Variants in GALNTL6 observed in about 807,000 individuals in gnomAD.
GALNTL6 encodes the protein polypeptide N-acetylgalactosaminyltransferase-like 6.
In GALNTL6, 46 loss-of-function variants were observed where a neutral mutation model predicts 73.7. The observed-to-expected ratio is 0.62, with a 90% CI of 0.49 to 0.80. The LOEUF (loss-of-function observed/expected upper bound fraction) is 0.80. Ranked by LOEUF, GALNTL6 falls within the 30% of genes least tolerant of loss-of-function variation. The pLI, the probability that GALNTL6 is intolerant of heterozygous loss-of-function variation, is 0.00. For missense variants in GALNTL6, 604 were observed against 755.0 expected (o/e 0.80, Z 2.34); for synonymous variants, 259 against 263.7 (o/e 0.98, Z 0.17).
At chr4:172,740,437 T>G (rs1310636192) in intron 5 of GALNTL6, among the ~76,000 whole-genome samples, 1 of 152,176 alleles carries the variant, frequency 6.6e-6, no homozygotes, top group Non-Finnish European at 1.5e-5. Context: ...CATTATTCAC[T>G]GACTCTGGAA....
intron 2 of GALNTL6, among the ~76,000 whole-genome samples, chr4:172,101,678 T>A (rs969652776): frequency 1.3e-5 from 2 of 152,180 alleles, no homozygotes; most frequent in African/African-American, 4.8e-5. Context: ...TAATTTAATA[T>A]ACTCTTTGAA....
chr4:172,213,500 A>G (rs1308948797), intron 2 of GALNTL6, among the ~76,000 whole-genome samples: 1 of 152,096 alleles, frequency 6.6e-6, no homozygotes, highest in African/African-American at 2.4e-5. Context: ...GAAACTTGCA[A>G]TTTTCTAATG....
In GALNTL6 at chr4:172,304,968, G is replaced by A. The variant is rs192569164; in HGVS notation, c.248-6646G>A. On this transcript the variant is annotated intron_variant, in intron 3 of 12. Transcript: ENST00000506823. ...TTCCACAATTTTGAAACTCTTCTAGGTCTTATTGTTTAGTTCATTCAATTC... is the reference window on the plus strand; with the variant it reads ...TTCCACAATTTTGAAACTCTTCTAGATCTTATTGTTTAGTTCATTCAATTC... Among the ~76,000 whole-genome samples the A allele has an allele frequency of 3.7e-3, 561 of 152,152 alleles. 1 individual carries two copies. The highest frequency in any genetic ancestry group is 0.012 in the African/African-American group (517 of 41,514).
At chr4:171,889,345 A>G (rs1374721953) in intron 2 of GALNTL6, among the ~76,000 whole-genome samples, 1 of 152,106 alleles carries the variant, frequency 6.6e-6, no homozygotes, top group Non-Finnish European at 1.5e-5. Flanking sequence ...TCAGTCTTTC[A>G]TTGACCTGGT....
intron 5 of GALNTL6, among the ~76,000 whole-genome samples, chr4:172,428,452 A>G (rs1731307461): frequency 6.6e-6 from 1 of 152,206 alleles, no homozygotes; most frequent in Admixed American, 6.5e-5. Flanking sequence ...ATTATGACAC[A>G]TAGTATGATT....
chr4:172,414,700 T>G (rs1243750427), intron 5 of GALNTL6, among the ~76,000 whole-genome samples: 1 of 152,194 alleles, frequency 6.6e-6, no homozygotes, highest in Non-Finnish European at 1.5e-5. Flanking sequence ...TGAATCTTTG[T>G]GTCTTTGTTA....
At chr4:172,687,583 G>A (rs554258701) in intron 5 of GALNTL6, among the ~76,000 whole-genome samples, 3 of 147,206 alleles carry the variant, frequency 2.0e-5, no homozygotes, top group East Asian at 2.0e-4. Flanking sequence ...AGCCAAGATC[G>A]CGCCACTGCA....
At chr4:173,009,426 T>G in intron 11 of GALNTL6, 132 bp downstream of exon 11, 1 of 634,252 alleles carries the variant, frequency 1.6e-6, no homozygotes, top group Non-Finnish European at 2.8e-6. Flanking sequence ...GGCCGCTGTA[T>G]CACCAACCAG....
chr4:171,900,241 C>A (rs1737045112), intron 2 of GALNTL6, among the ~76,000 whole-genome samples: 1 of 152,048 alleles, frequency 6.6e-6, no homozygotes. Context: ...TTCATGAATA[C>A]ACAATTCACG....
intron 2 of GALNTL6, among the ~76,000 whole-genome samples, chr4:172,215,993 TG>T (rs1560973624): frequency 6.6e-6 from 1 of 152,192 alleles, no homozygotes; most frequent in Admixed American, 6.5e-5. Flanking sequence ...GGAACATTGC[TG>T]CCATTCATTT....
At chr4:172,432,505 T>G (rs1385671887) in intron 5 of GALNTL6, among the ~76,000 whole-genome samples, 1 of 152,036 alleles carries the variant, frequency 6.6e-6, no homozygotes, top group Admixed American at 6.6e-5. Context: ...AGAACTTTTC[T>G]GAGAAATTTA....
intron 3 of GALNTL6, among the ~76,000 whole-genome samples, chr4:172,295,531 G>GTTTTTTTTTTTTTT (rs58721038): frequency 8.2e-5 from 6 of 73,136 alleles, no homozygotes; most frequent in East Asian, 4.1e-4. Flanking sequence ...CTTTTTTTAG[G>GTTTTTTTTTTTTTT]TTTTTTTTTT....
rs576840752 is a variant in GALNTL6, at chr4:172,811,137, A to G, written c.739+1591A>G. Among the ~76,000 whole-genome samples, 6 of 152,314 alleles carry G rather than the reference A, an allele frequency of 3.9e-5. No homozygotes were observed. The East Asian group carries it at 1.2e-3, about 29-fold the overall frequency. On this transcript the variant is annotated intron_variant, in intron 6 of 12. Transcript: ENST00000506823. ...GTCTTGACACATCATCCAAAGTGAAAAAACAGGCAGAGCCACACAGTTTCT... is the reference window on the plus strand; with the variant it reads ...GTCTTGACACATCATCCAAAGTGAAGAAACAGGCAGAGCCACACAGTTTCT...
intron 2 of GALNTL6, among the ~76,000 whole-genome samples, chr4:172,166,675 T>C (rs111843023): frequency 3.0e-4 from 45 of 152,350 alleles, no homozygotes; most frequent in African/African-American, 1.1e-3. Context: ...AAAGCAAGTA[T>C]TGATGTTGAT....
At chr4:172,601,900 A>G (rs1478664465) in intron 5 of GALNTL6, among the ~76,000 whole-genome samples, 1 of 152,122 alleles carries the variant, frequency 6.6e-6, no homozygotes, top group Non-Finnish European at 1.5e-5. Context: ...TACAAATATG[A>G]TAAGCACAAA....
At chr4:172,593,224 A>T (rs2111004917) in intron 5 of GALNTL6, among the ~76,000 whole-genome samples, 1 of 152,274 alleles carries the variant, frequency 6.6e-6, no homozygotes, top group East Asian at 1.9e-4. Flanking sequence ...CTTACAATAG[A>T]ACTTTATGCT....
At chr4:172,481,245 C>A (rs757214522) in intron 5 of GALNTL6, among the ~76,000 whole-genome samples, 1 of 150,296 alleles carries the variant, frequency 6.7e-6, no homozygotes, top group African/African-American at 2.4e-5. Context: ...CCTCCCGACC[C>A]GAGTTGTTCA....
At chr4:172,240,962 G>A (rs147026098) in intron 3 of GALNTL6, among the ~76,000 whole-genome samples, 66 of 152,306 alleles carry the variant, frequency 4.3e-4, no homozygotes, top group African/African-American at 1.6e-3. Flanking sequence ...TTTTTCACCT[G>A]TGTGGGCTGA....
intron 5 of GALNTL6, among the ~76,000 whole-genome samples, chr4:172,547,508 G>T (rs1239571584): frequency 6.6e-6 from 1 of 151,950 alleles, no homozygotes; most frequent in Non-Finnish European, 1.5e-5. Context: ...TTATGAAGTC[G>T]ACCCAAAGCA....
Sources: gnomAD v4.1 joint callset for allele counts (sites outside exome capture counted in the v4.1 genomes callset) on GRCh38, gnomAD v4.1.1 for gene constraint, MANE v1.5 for transcripts, NCBI Gene and HGNC (gene_info 2026-07-23, HGNC 2026-07-21) for gene names.